UNC13B: variants seen among roughly 807,000 people sequenced by gnomAD.
UNC13B encodes the protein protein unc-13 homolog B.
UNC13B carries 144 observed loss-of-function variants against 211.0 expected under a neutral mutation model. The observed-to-expected ratio is 0.68, with a 90% CI of 0.60 to 0.78. The LOEUF (loss-of-function observed/expected upper bound fraction) is 0.78, where lower values mean the gene tolerates loss of function less well. Among genes scored for constraint, UNC13B ranks in the 30% least tolerant of loss-of-function variants. The pLI is 0.00. For missense variants in UNC13B, 1,777 were observed against 2,002.0 expected (o/e 0.89, Z 2.14); for synonymous variants, 709 against 725.8 (o/e 0.98, Z 0.37).
chr9:35,247,481 G>T (rs1406060627), intron 6 of UNC13B, among the ~76,000 whole-genome samples: 1 of 152,130 alleles, frequency 6.6e-6, no homozygotes, highest in East Asian at 1.9e-4. Context: ...TATGATATTG[G>T]CTGTGGGTTT....
At chr9:35,278,926 C>T (rs1222385351) in intron 7 of UNC13B, among the ~76,000 whole-genome samples, 2 of 151,962 alleles carry the variant, frequency 1.3e-5, no homozygotes, top group Non-Finnish European at 2.9e-5. Flanking sequence ...ATATATTCCC[C>T]CACCCCCATG....
At chr9:35,397,082 T>C in intron 28 of UNC13B, 85 bp from the exon 29 acceptor site, 11 of 1,603,604 alleles carry the variant, frequency 6.9e-6, no homozygotes, top group African/African-American at 5.3e-5. Flanking sequence ...TTAGCCACTC[T>C]TGCTGGTCAG....
At chr9:35,352,624 C>T (rs1832786785) in intron 11 of UNC13B, 1 of 1,232,082 alleles carries the variant, frequency 8.1e-7, no homozygotes, top group Non-Finnish European at 1.0e-6. Context: ...AGAGAGAGCA[C>T]CAGGCCCCTG....
intron 1 of UNC13B, among the ~76,000 whole-genome samples, chr9:35,199,003 C>G (rs1385440393): frequency 6.6e-6 from 1 of 152,140 alleles, no homozygotes; most frequent in Non-Finnish European, 1.5e-5. Flanking sequence ...AATGCTATCC[C>G]TCCCCGCTCC....
At chr9:35,254,985 T>C (rs1826758000) in intron 6 of UNC13B, among the ~76,000 whole-genome samples, 1 of 120,484 alleles carries the variant, frequency 8.3e-6, no homozygotes, top group Non-Finnish European at 1.6e-5. Flanking sequence ...TATTAATATA[T>C]GTATATATTA....
At position 35,302,010 on chromosome 9, in the gene UNC13B, T is replaced by G. The variant is rs1372549942; in HGVS notation, c.2606T>G (p.Leu869Arg). The G allele has an allele frequency of 1.3e-5, 5 of 398,682 alleles. No individual in the cohort carries two copies. The highest frequency in any genetic ancestry group is 2.2e-5 in the Non-Finnish European group (5 of 225,864). The allele number at this position is 398,682 out of a possible 1,614,324, so 24.7% of individuals were successfully genotyped here. ...CTAAATCTTCCATTTTTTAGAAGTC[T>G]TGGTCATTCTGAAAAGCAACAGGAG... ...GKLNLPFFRSLGHSEKQQELK... is the reference protein window; with the variant it reads ...GKLNLPFFRSRGHSEKQQELK... Residue 869 changes from leucine to arginine, a missense_variant, in exon 9 of 40, where the codon CTT becomes CGT. Transcript: ENST00000635942.
intron 11 of UNC13B, among the ~76,000 whole-genome samples, chr9:35,319,837 C>A (rs1441887211): frequency 6.6e-6 from 1 of 151,782 alleles, no homozygotes; most frequent in Non-Finnish European, 1.5e-5. Flanking sequence ...TTAAAAAATT[C>A]TTGTGTAGAG....
intron 37 of UNC13B, 47 bp from the exon 38 acceptor site, chr9:35,403,120 C>G: frequency 6.3e-7 from 1 of 1,591,254 alleles, no homozygotes; most frequent in Non-Finnish European, 8.6e-7. Flanking sequence ...TCAGGTTTAC[C>G]TCCTACAGTT....
chr9:35,201,756 A>G (rs759014610), intron 1 of UNC13B, among the ~76,000 whole-genome samples: 1 of 151,988 alleles, frequency 6.6e-6, no homozygotes, highest in East Asian at 1.9e-4. Flanking sequence ...CTAGCGGTCT[A>G]TCAATTTTGT....
intron 6 of UNC13B, among the ~76,000 whole-genome samples, chr9:35,245,931 A>C (rs1012043600): frequency 1.3e-5 from 2 of 152,114 alleles, no homozygotes; most frequent in African/African-American, 4.8e-5. Context: ...GCCACACTGT[A>C]TTCCACAATG....
intron 11 of UNC13B, among the ~76,000 whole-genome samples, chr9:35,350,511 A>C (rs958350545): frequency 1.3e-5 from 2 of 152,188 alleles, no homozygotes. Context: ...TAGCTGCAGC[A>C]AGCCCTTAGA....
chr9:35,285,965 G>A (rs1330946389), intron 7 of UNC13B, among the ~76,000 whole-genome samples: 1 of 152,130 alleles, frequency 6.6e-6, no homozygotes, highest in Non-Finnish European at 1.5e-5. Flanking sequence ...GACATGAGGT[G>A]TACTTGCTAT....
chr9:35,343,302 C>T (rs1178887965), intron 11 of UNC13B, among the ~76,000 whole-genome samples: 1 of 152,208 alleles, frequency 6.6e-6, no homozygotes, highest in Non-Finnish European at 1.5e-5. Flanking sequence ...TAATCTCTTA[C>T]TACTGTGTGT....
chr9:35,399,003 C>T lies in UNC13B; in HGVS notation c.12043C>T (p.Leu4015Phe), dbSNP rs1235289708. 8.7e-6 allele frequency: 14 copies of T among 1,614,136 alleles called. No individual in the cohort carries two copies. Among genetic ancestry groups the T allele is most frequent in the Non-Finnish European group, 1.2e-5 (14 of 1,179,992 alleles). The change falls in exon 33 of 40, where the codon CTC becomes TTC. Residue 4015 changes from leucine to phenylalanine, a missense_variant. By Grantham distance (22) the Leu-to-Phe change is conservative. Transcript: ENST00000635942. ...AGCGGCTCAGGATGCAGATAGCGTA[C>T]TCCGGCCTCTCATGGACTTCCTGGA... The part of the protein sequence containing the change: ...ASAAQDADSV[L>F]RPLMDFLDGN...
intron 6 of UNC13B, among the ~76,000 whole-genome samples, chr9:35,249,827 T>G (rs911965064): frequency 1.3e-5 from 2 of 152,234 alleles, no homozygotes; most frequent in African/African-American, 4.8e-5. Flanking sequence ...CTGACAATTA[T>G]GTGTCTTGGA....
At chr9:35,319,401 TCAAAAA>T (rs1409888732) in intron 11 of UNC13B, among the ~76,000 whole-genome samples, 2 of 30,752 alleles carry the variant, frequency 6.5e-5, no homozygotes, top group East Asian at 2.1e-3. Flanking sequence ...AGACCCTATC[TCAAAAA>T]AAAAAAAAAA....
At chr9:35,217,360 A>G (rs533450892) in intron 1 of UNC13B, among the ~76,000 whole-genome samples, 13 of 151,640 alleles carry the variant, frequency 8.6e-5, no homozygotes, top group Admixed American at 7.9e-4. Flanking sequence ...CAATACAAGG[A>G]TGCCTACTAT....
intron 7 of UNC13B, among the ~76,000 whole-genome samples, chr9:35,263,539 A>G (rs1827398933): frequency 6.6e-6 from 1 of 152,104 alleles, no homozygotes; most frequent in Non-Finnish European, 1.5e-5. Flanking sequence ...AAAAAGATCC[A>G]TAAGAGGACT....
intron 1 of UNC13B, among the ~76,000 whole-genome samples, chr9:35,164,651 T>C (rs777626120): frequency 2.0e-5 from 3 of 152,256 alleles, no homozygotes; most frequent in Admixed American, 6.5e-5. Flanking sequence ...CCTATCCTTA[T>C]GCAGACTTTG....
Sources: gnomAD v4.1 joint callset for allele counts (sites outside exome capture counted in the v4.1 genomes callset) on GRCh38, gnomAD v4.1.1 for gene constraint, MANE v1.5 for transcripts, NCBI Gene and HGNC (gene_info 2026-07-23, HGNC 2026-07-21) for gene names.